Variants in NKAIN2 observed in about 807,000 individuals in gnomAD.
NKAIN2 encodes sodium/potassium-transporting ATPase subunit beta-1-interacting protein 2.
Under a neutral mutation model 32.6 loss-of-function variants are expected in NKAIN2, and 14 were observed. The ratio of observed to expected loss-of-function variants is 0.43; its 90% CI spans 0.28 to 0.67. The LOEUF is 0.67. NKAIN2 is among the 30% of genes least tolerant of loss of function. The pLI is 0.17. For missense variants in NKAIN2, 198 were observed against 258.3 expected (o/e 0.77, Z 1.60); for synonymous variants, 80 against 87.2 (o/e 0.92, Z 0.46).
At chr6:124,010,417 A>T (rs1780271668) in intron 1 of NKAIN2, among the ~76,000 whole-genome samples, 1 of 151,718 alleles carries the variant, frequency 6.6e-6, no homozygotes, top group Non-Finnish European at 1.5e-5. Flanking sequence ...TTCCATGGAT[A>T]CTTTAACATT....
chr6:124,812,374 T>G (rs1057071669), intron 5 of NKAIN2, among the ~76,000 whole-genome samples: 4 of 152,210 alleles, frequency 2.6e-5, no homozygotes, highest in Admixed American at 2.0e-4. Flanking sequence ...TCTAAGAGTT[T>G]ATTTGGTAAA....
chr6:124,568,770 G>T (rs1017129821), intron 3 of NKAIN2, among the ~76,000 whole-genome samples: 11 of 118,148 alleles, frequency 9.3e-5, no homozygotes, highest in Non-Finnish European at 1.8e-4. Context: ...GAGGAAAAAA[G>T]ACTCTGGTTC....
At chr6:124,487,475 T>C (rs1003545951) in intron 3 of NKAIN2, among the ~76,000 whole-genome samples, 5 of 152,126 alleles carry the variant, frequency 3.3e-5, no homozygotes, top group Non-Finnish European at 7.4e-5. Flanking sequence ...CCAAATGACA[T>C]GCCATTTTAA....
chr6:124,086,811 C>A (rs1008368717), intron 1 of NKAIN2, among the ~76,000 whole-genome samples: 1 of 151,868 alleles, frequency 6.6e-6, no homozygotes, highest in South Asian at 2.1e-4. Context: ...AAACAGAAAG[C>A]ACCAGGCCAT....
chr6:123,835,783 A>G (rs1313886698), intron 1 of NKAIN2, among the ~76,000 whole-genome samples: 3 of 152,024 alleles, frequency 2.0e-5, no homozygotes, highest in African/African-American at 7.2e-5. Flanking sequence ...ATGTTACCTT[A>G]TTATAATTTT....
intron 5 of NKAIN2, among the ~76,000 whole-genome samples, chr6:124,808,960 C>G (rs1780738328): frequency 6.6e-6 from 1 of 152,108 alleles, no homozygotes; most frequent in South Asian, 2.1e-4. Flanking sequence ...GAACTACAAC[C>G]CACTGCTCAA....
intron 4 of NKAIN2, among the ~76,000 whole-genome samples, chr6:124,757,196 T>C (rs780049572): frequency 6.6e-6 from 1 of 152,178 alleles, no homozygotes; most frequent in Admixed American, 6.6e-5. Context: ...CTTTAAAATA[T>C]GTATTTGAAA....
At chr6:124,745,302 C>T (rs971126211) in intron 4 of NKAIN2, among the ~76,000 whole-genome samples, 11 of 151,816 alleles carry the variant, frequency 7.2e-5, no homozygotes, top group Non-Finnish European at 1.0e-4. Flanking sequence ...AGTAGATGTA[C>T]AAACACTTAG....
At chr6:124,706,280 A>C (rs774556081) in intron 4 of NKAIN2, among the ~76,000 whole-genome samples, 12 of 152,112 alleles carry the variant, frequency 7.9e-5, no homozygotes, top group African/African-American at 1.2e-4. Flanking sequence ...TAATATTATT[A>C]TCTCTATCTT....
At chr6:124,412,616 G>A (rs573134850) in intron 3 of NKAIN2, among the ~76,000 whole-genome samples, 32 of 152,254 alleles carry the variant, frequency 2.1e-4, no homozygotes, top group African/African-American at 7.7e-4. Context: ...GGCTACTCAG[G>A]GGTCGGGGAC....
At chr6:124,106,378 G>A (rs943035980) in intron 1 of NKAIN2, among the ~76,000 whole-genome samples, 1 of 152,044 alleles carries the variant, frequency 6.6e-6, no homozygotes, top group Non-Finnish European at 1.5e-5. Flanking sequence ...ATTACTGTTA[G>A]GGAAAACACT....
intron 2 of NKAIN2, among the ~76,000 whole-genome samples, chr6:124,298,305 T>C (rs930548496): frequency 2.6e-5 from 4 of 152,192 alleles, no homozygotes; most frequent in African/African-American, 9.6e-5. Context: ...ATATACCTGT[T>C]TTCTTCTTTA....
intron 1 of NKAIN2, among the ~76,000 whole-genome samples, chr6:123,993,108 T>C (rs1351975152): frequency 1.3e-5 from 2 of 152,180 alleles, no homozygotes; most frequent in Non-Finnish European, 2.9e-5. Context: ...CTTAGCATAC[T>C]CTATGGCATA....
chr6:123,852,658 A>G (rs1300027431), intron 1 of NKAIN2, among the ~76,000 whole-genome samples: 1 of 152,204 alleles, frequency 6.6e-6, no homozygotes, highest in Non-Finnish European at 1.5e-5. Flanking sequence ...GGAAAATACT[A>G]TTCAGCCTTT....
intron 1 of NKAIN2, among the ~76,000 whole-genome samples, chr6:123,951,151 A>G (rs2114584267): frequency 6.6e-6 from 1 of 152,088 alleles, no homozygotes; most frequent in African/African-American, 2.4e-5. Context: ...TTTTTTAAAC[A>G]TTTGTTAAGA....
At chr6:124,530,934 T>C (rs566036157) in intron 3 of NKAIN2, among the ~76,000 whole-genome samples, 3 of 152,328 alleles carry the variant, frequency 2.0e-5, no homozygotes, top group Admixed American at 6.5e-5. Context: ...CCTCAGTGGA[T>C]TGGATGATGG....
At chr6:123,910,739 C>T (rs1385618356) in intron 1 of NKAIN2, among the ~76,000 whole-genome samples, 2 of 151,772 alleles carry the variant, frequency 1.3e-5, no homozygotes, top group Non-Finnish European at 2.9e-5. Flanking sequence ...CTCTTGACCT[C>T]GTGATCTGCC....
At chr6:124,558,948 T>TTAAA (rs1554225813) in intron 3 of NKAIN2, among the ~76,000 whole-genome samples, 1 of 150,024 alleles carries the variant, frequency 6.7e-6, no homozygotes, top group Admixed American at 6.7e-5. Flanking sequence ...AAACTCCATC[T>TTAAA]CAAACAAACA....
intron 3 of NKAIN2, among the ~76,000 whole-genome samples, chr6:124,613,735 A>G (rs1782779852): frequency 6.6e-6 from 1 of 151,910 alleles, no homozygotes; most frequent in Admixed American, 6.6e-5. Context: ...CTTACATGAC[A>G]CTCTATTCCT....
Sources: gnomAD v4.1 joint callset for allele counts (sites outside exome capture counted in the v4.1 genomes callset) on GRCh38, gnomAD v4.1.1 for gene constraint, MANE v1.5 for transcripts, NCBI Gene and HGNC (gene_info 2026-07-23, HGNC 2026-07-21) for gene names.